PTPN14: variants seen among roughly 807,000 people sequenced by gnomAD.
PTPN14 encodes protein tyrosine phosphatase non-receptor type 14.
A neutral mutation model predicts 126.8 loss-of-function variants in PTPN14; 53 were observed. The observed-to-expected ratio is 0.42, with a 90% CI of 0.34 to 0.53. PTPN14 has a LOEUF of 0.53. PTPN14 is among the 20% of genes least tolerant of loss of function. The pLI is 0.08. For synonymous variants in PTPN14, 630 were observed against 599.3 expected (o/e 1.05, Z -0.75); for missense variants, 1,257 against 1,552.9 (o/e 0.81, Z 3.20).
At chr1:214,549,032 ACTT>A (rs1329791172) in intron 1 of PTPN14, among the ~76,000 whole-genome samples, 1 of 152,112 alleles carries the variant, frequency 6.6e-6, no homozygotes, top group Non-Finnish European at 1.5e-5. Flanking sequence ...CTTCAGGAAA[ACTT>A]CTGTGAAGGG....
At chr1:214,479,341 C>CTT (rs368916343) in intron 1 of PTPN14, among the ~76,000 whole-genome samples, 1,626 of 137,986 alleles carry the variant, frequency 0.012, 35 homozygotes, top group African/African-American at 0.041. Flanking sequence ...AAAACCCTGT[C>CTT]TTTTTTTTTT....
rs564609233 is a variant in PTPN14, at chr1:214,357,703, T to G, written c.*219A>C. 3.0e-4 allele frequency: 128 copies of G among 429,484 alleles called. No homozygotes were observed. The highest frequency in any genetic ancestry group is 4.9e-4 in the Non-Finnish European group (117 of 236,962). 26.6% of individuals were successfully genotyped at this position (429,484 alleles called of 1,614,324 possible). On this transcript the variant is annotated 3_prime_UTR_variant, in exon 19 of 19. Coordinates refer to ENST00000366956, the MANE Select transcript of PTPN14 (RefSeq NM_005401.5). ...GTACTATATTACTAGGGAAACTGCATTATAATAATTCACAAAAGTTATTCC... is the reference window on the plus strand; with the variant it reads ...GTACTATATTACTAGGGAAACTGCAGTATAATAATTCACAAAAGTTATTCC...
chr1:214,444,469 C>A (rs891021711), intron 3 of PTPN14, among the ~76,000 whole-genome samples: 48 of 152,052 alleles, frequency 3.2e-4, no homozygotes, highest in African/African-American at 1.0e-3. Flanking sequence ...AGTAAAATGA[C>A]ATTTCAAAAT....
chr1:214,408,288 T>C lies in PTPN14; in HGVS notation c.510+3396A>G, dbSNP rs113667687. On this transcript the variant is annotated intron_variant, in intron 5 of 18. Coordinates refer to ENST00000366956, the MANE Select transcript of PTPN14 (RefSeq NM_005401.5). ...GGGGTGAAAGAGTTGACGGAAAAAA[T>C]AAGTAGTGAATGATCATGATTTCTG... is the stretch of plus-strand genomic sequence containing the variant. Among the ~76,000 whole-genome samples the C allele has an allele frequency of 3.3e-4, 50 of 152,184 alleles. 1 individual carries two copies. The highest frequency in any genetic ancestry group is 1.1e-3 in the African/African-American group (46 of 41,530).
chr1:214,502,691 A>G (rs984516866), intron 1 of PTPN14, among the ~76,000 whole-genome samples: 1 of 152,164 alleles, frequency 6.6e-6, no homozygotes, highest in African/African-American at 2.4e-5. Context: ...AACGTTACGA[A>G]AAAATGTTGA....
intron 1 of PTPN14, among the ~76,000 whole-genome samples, chr1:214,545,250 T>C (rs991424163): frequency 6.6e-6 from 1 of 152,150 alleles, no homozygotes; most frequent in African/African-American, 2.4e-5. Context: ...GATTAGGTAA[T>C]TTATAAAGAG....
chr1:214,446,749 A>AAAC (rs2102627694), intron 3 of PTPN14, among the ~76,000 whole-genome samples: 1 of 152,274 alleles, frequency 6.6e-6, no homozygotes, highest in African/African-American at 2.4e-5. Context: ...AAAAAAAGGA[A>AAAC]AACCCAACCA....
chr1:214,369,155 C>G (rs921621553), intron 17 of PTPN14, among the ~76,000 whole-genome samples: 3 of 152,156 alleles, frequency 2.0e-5, no homozygotes, highest in Admixed American at 1.3e-4. Flanking sequence ...CAAAGTTCAT[C>G]CTTGTTGTAA....
intron 1 of PTPN14, among the ~76,000 whole-genome samples, chr1:214,540,830 A>C (rs1189237317): frequency 6.6e-6 from 1 of 152,252 alleles, no homozygotes; most frequent in Non-Finnish European, 1.5e-5. Context: ...TAGGAAATCC[A>C]TGTGTAAATC....
At chr1:214,449,574 G>T (rs1007538974) in intron 3 of PTPN14, among the ~76,000 whole-genome samples, 1 of 152,158 alleles carries the variant, frequency 6.6e-6, no homozygotes, top group Non-Finnish European at 1.5e-5. Context: ...TTAATGCTGT[G>T]TTCCTAGCAC....
chr1:214,405,609 CAAA>C (rs1211864676), intron 5 of PTPN14, among the ~76,000 whole-genome samples: 6 of 110,740 alleles, frequency 5.4e-5, no homozygotes, highest in Admixed American at 4.6e-4. Flanking sequence ...TAACAAAATC[CAAA>C]AAAAAAAAAA....
rs200340171 is a variant in PTPN14, at chr1:214,364,603, G to A, written c.3344C>T (p.Pro1115Leu). 678 of 1,614,076 alleles carry A rather than the reference G, an allele frequency of 4.2e-4. 4 individuals carry two copies. The East Asian group carries it at 0.012, about 27-fold the overall frequency. Residue 1115 changes from proline to leucine, a missense_variant, in exon 18 of 19, where the codon CCG (proline) becomes CTG (leucine). By Grantham distance (98) the Pro-to-Leu change is moderately conservative. Around this residue, in one of 3 missense-constraint regions of PTPN14, gnomAD observed 171 missense variants for 229.8 expected, o/e 0.74. Transcript: ENST00000366956. The surrounding 1 kb of genome is among the most constrained non-coding windows in gnomAD (Gnocchi z 4.1). ...SMLEGTKNRH[P>L]PIVVHCSAGV... is the part of the protein sequence containing the mutation. ...AGCACTACAGTGGACCACGATGGGC[G>A]GGTGCCGGTTCTTGGTGCCTTCCAG...
chr1:214,369,359 G>T, intron 17 of PTPN14, 98 bp downstream of exon 17: 2 of 1,185,046 alleles, frequency 1.7e-6, no homozygotes, highest in African/African-American at 1.5e-5. Flanking sequence ...CCACTTAAGA[G>T]AAAGCATCCT....
At chr1:214,535,453 T>TA (rs1347738222) in intron 1 of PTPN14, among the ~76,000 whole-genome samples, 1 of 152,110 alleles carries the variant, frequency 6.6e-6, no homozygotes, top group African/African-American at 2.4e-5. Flanking sequence ...AAGGCAACTG[T>TA]AAAAAACAGA....
At chr1:214,484,372 A>G (rs1489630800) in intron 1 of PTPN14, among the ~76,000 whole-genome samples, 3 of 152,232 alleles carry the variant, frequency 2.0e-5, no homozygotes, top group Non-Finnish European at 4.4e-5. Context: ...TGATTGCATT[A>G]CTGCACTAAG....
At chr1:214,409,390 T>C (rs372040399) in intron 5 of PTPN14, among the ~76,000 whole-genome samples, 41 of 152,352 alleles carry the variant, frequency 2.7e-4, no homozygotes, top group African/African-American at 8.7e-4. Context: ...ATCCATCTTA[T>C]GGCAAATGAC....
chr1:214,369,489 T>C lies in PTPN14; in HGVS notation c.3239A>G (p.His1080Arg). Residue 1080 changes from histidine to arginine, a missense_variant, in exon 17 of 19, where the codon CAC becomes CGC. Physicochemically the swap from His to Arg is conservative, Grantham distance 29 (BLOSUM62 0). Transcript: ENST00000366956. ...WHLQYTDWPDHGCPEDVQGFL... is the reference protein window; with the variant it reads ...WHLQYTDWPDRGCPEDVQGFL... The stretch of plus-strand genomic sequence containing the variant: ...TCCTTGGACATCTTCTGGACAGCCG[T>C]GATCTGGCCAGTCAGTATATTGTAA... 1.9e-6 allele frequency: 3 copies of C among 1,614,172 alleles called. No individual in the cohort carries two copies. Among genetic ancestry groups the C allele is most frequent in the Non-Finnish European group, 2.5e-6 (3 of 1,180,020 alleles).
chr1:214,386,795 G>T, intron 12 of PTPN14, 49 bp downstream of exon 12: 1 of 1,474,698 alleles, frequency 6.8e-7, no homozygotes, highest in Non-Finnish European at 9.4e-7. Flanking sequence ...ACTGCTTACT[G>T]GTATTCAACT....
chr1:214,398,636 T>TTTTTTA (rs1553262256), intron 7 of PTPN14, among the ~76,000 whole-genome samples: 1 of 148,362 alleles, frequency 6.7e-6, no homozygotes, highest in Non-Finnish European at 1.5e-5. Flanking sequence ...TTTTTTTTTT[T>TTTTTTA]ACAGACAGGG....
Sources: allele counts gnomAD v4.1 joint callset (sites outside exome capture counted in the v4.1 genomes callset), GRCh38; gene constraint gnomAD v4.1.1; regional missense constraint gnomAD v4.1.1; non-coding constraint Gnocchi (gnomAD v3.1); transcripts MANE v1.5; gene names NCBI Gene and HGNC (gene_info 2026-07-23, HGNC 2026-07-21).